The following SORT1 variants were observed in gnomAD, a reference collection of about 807,000 sequenced individuals.
The protein encoded by SORT1 is sortilin.
Under a neutral mutation model 101.7 loss-of-function variants are expected in SORT1, and 39 were observed. The ratio of observed to expected loss-of-function variants is 0.38; its 90% CI spans 0.30 to 0.50. The LOEUF is 0.50. SORT1 is among the 20% of genes least tolerant of loss of function. The pLI is 0.90. For missense variants in SORT1, 878 were observed against 1,040.4 expected (o/e 0.84, Z 2.15); for synonymous variants, 396 against 393.7 (o/e 1.01, Z -0.07).
intron 14 of SORT1, 65 bp from the exon 15 acceptor site, chr1:109,323,186 C>T: frequency 8.7e-7 from 1 of 1,150,792 alleles, no homozygotes; most frequent in East Asian, 2.4e-5. Flanking sequence ...GAGGCAGCTG[C>T]CAGGCTATAG....
intron 5 of SORT1, among the ~76,000 whole-genome samples, chr1:109,352,806 G>C (rs1650050222): frequency 6.6e-6 from 1 of 152,202 alleles, no homozygotes; most frequent in African/African-American, 2.4e-5. Flanking sequence ...TACAGAAGCA[G>C]ACTGTATCTG....
At chr1:109,350,354 G>A (rs1649876510) in intron 6 of SORT1, among the ~76,000 whole-genome samples, 1 of 152,186 alleles carries the variant, frequency 6.6e-6, no homozygotes. Context: ...CTGACTAGCA[G>A]CAGAGTGAGG....
In SORT1 at chr1:109,345,835, T is replaced by C. The variant is rs761985702; in HGVS notation, c.879A>G (p.Gly293=). Residue 293 remains glycine, a synonymous_variant, in exon 8 of 20, where the codon GGA becomes GGG. Coordinates refer to ENST00000256637, the MANE Select transcript of SORT1 (RefSeq NM_002959.7). ...ALELWRTSDL[G]KSFKTIGVKI... ...TCACACCAATAGTTTTGAAGCTTTT[T>C]CCCAAGTCTGAAGTTCTCCATAATT... is the stretch of plus-strand genomic sequence containing the variant. The C allele has an allele frequency of 5.5e-5, 89 of 1,613,590 alleles. No homozygotes were observed. The Admixed American group carries it at 1.3e-3, about 23-fold the overall frequency.
chr1:109,355,084 G>C (rs1402107199), intron 4 of SORT1, among the ~76,000 whole-genome samples: 1 of 152,002 alleles, frequency 6.6e-6, no homozygotes, highest in Non-Finnish European at 1.5e-5. Context: ...ACCCAGGAGT[G>C]GTGGCAAGAG....
At chr1:109,359,391 G>A (rs928329033) in intron 3 of SORT1, among the ~76,000 whole-genome samples, 33 of 152,124 alleles carry the variant, frequency 2.2e-4, no homozygotes, top group African/African-American at 6.0e-4. Flanking sequence ...TTCAGTGTAC[G>A]GCATCCTGAC....
At chr1:109,317,736 A>G in intron 16 of SORT1, 117 bp downstream of exon 16, 2 of 731,358 alleles carry the variant, frequency 2.7e-6, no homozygotes, top group Non-Finnish European at 4.8e-6. Flanking sequence ...CCCCTCCCCA[A>G]CCCCGCCAAA....
chr1:109,323,231 C>G (rs1185177219), intron 14 of SORT1, 110 bp from the exon 15 acceptor site: 1 of 728,590 alleles, frequency 1.4e-6, no homozygotes, highest in African/African-American at 1.7e-5. Flanking sequence ...GAATGTCTGA[C>G]TCAACCTATT....
Position 109,354,972 on chromosome 1 carries a change from C to T in SORT1, c.543+395G>A, listed in dbSNP as rs555423643. 5.2e-4 allele frequency among the ~76,000 whole-genome samples: 79 copies of T among 152,204 alleles called. 1 individual carries two copies. The highest frequency in any genetic ancestry group is 1.7e-3 in the African/African-American group (70 of 41,518). On this transcript the variant is annotated intron_variant, in intron 4 of 19. Transcript: ENST00000256637. ...AGGCACAGTGGCTCATGCCTGTAAT[C>T]CCAGCACTTCAGGGGCTGAGGTGGG...
At chr1:109,344,665 G>C (rs1053469885) in intron 8 of SORT1, among the ~76,000 whole-genome samples, 1 of 152,086 alleles carries the variant, frequency 6.6e-6, no homozygotes, top group Non-Finnish European at 1.5e-5. Flanking sequence ...TTTCTTCGCG[G>C]CTTTAATTAT....
At chr1:109,368,800 T>C (rs1651268969) in intron 2 of SORT1, 2 of 152,346 alleles carry the variant, frequency 1.3e-5, no homozygotes, top group East Asian at 1.9e-4. Context: ...CCACAGTCCC[T>C]CAACACACCT....
At chr1:109,382,918 A>G (rs1356478053) in intron 1 of SORT1, among the ~76,000 whole-genome samples, 1 of 152,198 alleles carries the variant, frequency 6.6e-6, no homozygotes, top group African/African-American at 2.4e-5. Context: ...TTCATGAATT[A>G]GCACAATGTT....
At chr1:109,329,382 T>C (rs1043196470) in intron 11 of SORT1, among the ~76,000 whole-genome samples, 2 of 152,206 alleles carry the variant, frequency 1.3e-5, no homozygotes, top group Non-Finnish European at 1.5e-5. Context: ...GCCTCCCAAG[T>C]AGCTGGGACT....
intron 13 of SORT1, among the ~76,000 whole-genome samples, chr1:109,325,607 A>G (rs1647955520): frequency 6.6e-6 from 1 of 152,172 alleles, no homozygotes; most frequent in Non-Finnish European, 1.5e-5. Context: ...GAGAATATGA[A>G]AGTAAATACC....
intron 3 of SORT1, chr1:109,367,171 G>A (rs1651149791): frequency 2.9e-6 from 1 of 342,012 alleles, no homozygotes; most frequent in East Asian, 4.9e-5. Context: ...AGGCTGCAGT[G>A]AGCCAAGATG....
At chr1:109,341,394 T>A (rs1361589994) in intron 9 of SORT1, among the ~76,000 whole-genome samples, 1 of 151,994 alleles carries the variant, frequency 6.6e-6, no homozygotes, top group African/African-American at 2.4e-5. Flanking sequence ...TTGCCCAGGC[T>A]GGAGTGCAGT....
intron 1 of SORT1, among the ~76,000 whole-genome samples, chr1:109,373,201 C>T (rs567131668): frequency 6.6e-6 from 1 of 152,208 alleles, no homozygotes; most frequent in Non-Finnish European, 1.5e-5. Context: ...AACTGGCTTA[C>T]TGCCTGGAGA....
At chr1:109,323,796 A>C (rs1647801995) in intron 14 of SORT1, among the ~76,000 whole-genome samples, 1 of 152,232 alleles carries the variant, frequency 6.6e-6, no homozygotes, top group Non-Finnish European at 1.5e-5. Flanking sequence ...GCAGGTGCTT[A>C]ACAAATCTTT....
intron 16 of SORT1, 72 bp downstream of exon 16, chr1:109,317,781 T>A (rs897226595): frequency 9.8e-7 from 1 of 1,022,192 alleles, no homozygotes; most frequent in Non-Finnish European, 1.5e-6. Context: ...GATCTCAGTG[T>A]GGAGAGAAGC....
intron 11 of SORT1, 97 bp downstream of exon 11, chr1:109,336,143 C>T: frequency 1.4e-6 from 1 of 739,462 alleles, no homozygotes; most frequent in Non-Finnish European, 2.4e-6. Context: ...TGCTGAGGAC[C>T]CTAATCAAGT....
Sources: gnomAD v4.1 joint callset for allele counts (sites outside exome capture counted in the v4.1 genomes callset) on GRCh38, gnomAD v4.1.1 for gene constraint, MANE v1.5 for transcripts, NCBI Gene and HGNC (gene_info 2026-07-23, HGNC 2026-07-21) for gene names.